The following RNF24 variants were observed in gnomAD, a reference collection of about 807,000 sequenced individuals.
The protein encoded by RNF24 is ring finger protein 24.
RNF24 carries 14 observed loss-of-function variants against 20.0 expected under a neutral mutation model. The observed-to-expected ratio is 0.70, with a 90% CI of 0.46 to 1.10. RNF24 has a LOEUF of 1.10. Ranked by LOEUF, RNF24 falls within the 50% of genes least tolerant of loss-of-function variation. The pLI is 0.00. For missense variants in RNF24, 124 were observed against 177.6 expected (o/e 0.70, Z 1.71); for synonymous variants, 45 against 61.1 (o/e 0.74, Z 1.23).
chr20:3,997,089 G>C (rs982042224), intron 1 of RNF24, among the ~76,000 whole-genome samples: 21 of 151,732 alleles, frequency 1.4e-4, no homozygotes, highest in African/African-American at 5.1e-4. Flanking sequence ...AGCCAGGCGT[G>C]GTGGTGGGTG....
At chr20:3,965,078 T>C (rs2091244274) in intron 1 of RNF24, among the ~76,000 whole-genome samples, 1 of 152,192 alleles carries the variant, frequency 6.6e-6, no homozygotes, top group Non-Finnish European at 1.5e-5. Flanking sequence ...ATTCCACAGA[T>C]AAAGGATGCC....
intron 2 of RNF24, among the ~76,000 whole-genome samples, chr20:3,954,317 T>A (rs932008727): frequency 6.6e-6 from 1 of 152,204 alleles, no homozygotes; most frequent in Non-Finnish European, 1.5e-5. Flanking sequence ...TATGGATATA[T>A]CATATAAAAG....
chr20:3,984,658 A>C (rs1159655251), intron 1 of RNF24, among the ~76,000 whole-genome samples: 1 of 152,224 alleles, frequency 6.6e-6, no homozygotes, highest in Non-Finnish European at 1.5e-5. Flanking sequence ...TTATCTTCAA[A>C]AGGCAGACAG....
intron 1 of RNF24, among the ~76,000 whole-genome samples, chr20:3,966,821 C>T (rs1169461940): frequency 6.6e-6 from 1 of 152,166 alleles, no homozygotes; most frequent in South Asian, 2.1e-4. Flanking sequence ...AAGACTCAGA[C>T]ACACACAGCA....
chr20:3,960,049 G>A (rs535820988), intron 2 of RNF24, among the ~76,000 whole-genome samples: 1 of 152,278 alleles, frequency 6.6e-6, no homozygotes, highest in South Asian at 2.1e-4. Flanking sequence ...CCCTACCATA[G>A]TCAGCACATT....
intron 1 of RNF24, among the ~76,000 whole-genome samples, chr20:3,971,024 C>T (rs1978328577): frequency 1.3e-5 from 2 of 152,128 alleles, no homozygotes; most frequent in African/African-American, 2.4e-5. Context: ...AAATCTACAA[C>T]AAGACACATC....
rs1253515788 is a variant in RNF24 at position 3,951,952 on chromosome 20, A to T, written c.144-3673T>A. 5.9e-5 allele frequency among the ~76,000 whole-genome samples: 9 copies of T among 152,188 alleles called. 1 individual carries two copies. Among genetic ancestry groups the T allele is most frequent in the Admixed American group, 5.9e-4 (9 of 15,280 alleles). Reference sequence around the variant, plus strand: ...CTGGGGTTAGCCACTTCTTCCAAGGAACCCTAATTCCTTTTATTGGAGAAA... The same window carrying T: ...CTGGGGTTAGCCACTTCTTCCAAGGTACCCTAATTCCTTTTATTGGAGAAA... On this transcript the variant is annotated intron_variant, in intron 2 of 5. Transcript: ENST00000358395.
intron 2 of RNF24, among the ~76,000 whole-genome samples, chr20:3,952,337 A>G (rs1239150500): frequency 6.6e-6 from 1 of 152,106 alleles, no homozygotes; most frequent in Non-Finnish European, 1.5e-5. Flanking sequence ...ATGCTACTGT[A>G]AATAGTGTTG....
rs963162610 is a variant in RNF24 at position 3,933,790 on chromosome 20, G to A, written c.*273C>T. The A allele has an allele frequency of 1.1e-5, 3 of 275,730 alleles. No homozygotes were observed. Among genetic ancestry groups the A allele is most frequent in the Admixed American group, 1.1e-4 (2 of 18,866 alleles). The allele number at this position is 275,730 out of a possible 1,614,324, so 17.1% of individuals were successfully genotyped here. On this transcript the variant is annotated 3_prime_UTR_variant, in exon 6 of 6. Coordinates refer to ENST00000358395, the MANE Select transcript of RNF24 (RefSeq NM_001134337.3). ...GAGGCTCCAGGAGAGAGAGTGTAATGGAGTTAGTAAGAGACCCTCATGAAG... is the reference window on the plus strand; with the variant it reads ...GAGGCTCCAGGAGAGAGAGTGTAATAGAGTTAGTAAGAGACCCTCATGAAG...
At chr20:3,958,941 C>T (rs1223152680) in intron 2 of RNF24, among the ~76,000 whole-genome samples, 1 of 152,182 alleles carries the variant, frequency 6.6e-6, no homozygotes, top group Non-Finnish European at 1.5e-5. Context: ...CATTCCCAGC[C>T]TCGATTTTCC....
intron 2 of RNF24, among the ~76,000 whole-genome samples, chr20:3,961,969 G>A (rs776689324): frequency 1.2e-4 from 18 of 152,084 alleles, no homozygotes; most frequent in Non-Finnish European, 2.1e-4. Context: ...TATTGGAATT[G>A]CAGTAATATT....
chr20:4,003,849 G>A (rs927130452), intron 1 of RNF24, among the ~76,000 whole-genome samples: 7 of 151,838 alleles, frequency 4.6e-5, no homozygotes, highest in African/African-American at 7.3e-5. Flanking sequence ...TCGCCATGTT[G>A]GACAGGCTGG....
At chr20:3,987,358 C>T (rs187224596) in intron 1 of RNF24, among the ~76,000 whole-genome samples, 2 of 152,154 alleles carry the variant, frequency 1.3e-5, no homozygotes, top group Admixed American at 1.3e-4. Flanking sequence ...AGGGGTAATA[C>T]CATAACTACT....
intron 1 of RNF24, among the ~76,000 whole-genome samples, chr20:3,989,249 T>C (rs993250948): frequency 6.6e-6 from 1 of 152,088 alleles, no homozygotes; most frequent in African/African-American, 2.4e-5. Flanking sequence ...CCCAGCACTT[T>C]AGGAGGCCGA....
intron 1 of RNF24, among the ~76,000 whole-genome samples, chr20:4,008,827 A>G (rs1418767015): frequency 2.6e-5 from 4 of 151,746 alleles, no homozygotes; most frequent in African/African-American, 7.3e-5. Context: ...TTACAGGCAT[A>G]AGCCACCATG....
At chr20:3,936,096 G>A (rs1415230030) in intron 4 of RNF24, among the ~76,000 whole-genome samples, 3 of 152,222 alleles carry the variant, frequency 2.0e-5, no homozygotes, top group Non-Finnish European at 4.4e-5. Flanking sequence ...GATCCAGGCA[G>A]GACATGTGGC....
intron 1 of RNF24, among the ~76,000 whole-genome samples, chr20:4,006,713 A>G (rs2042822612): frequency 6.6e-6 from 1 of 152,228 alleles, no homozygotes. Context: ...TTGCCACTGC[A>G]GGCTTTCTCC....
intron 1 of RNF24, among the ~76,000 whole-genome samples, chr20:3,998,779 A>AAAT (rs1555802088): frequency 0.017 from 2,093 of 125,114 alleles, 46 homozygotes; most frequent in African/African-American, 0.051. Flanking sequence ...AAATTAAAAA[A>AAAT]AATAAATAAT....
chr20:3,971,455 AT>A (rs1568639225), intron 1 of RNF24, among the ~76,000 whole-genome samples: 2 of 152,230 alleles, frequency 1.3e-5, no homozygotes, highest in Admixed American at 6.5e-5. Flanking sequence ...GTAAACAAAT[AT>A]AAGGGTAAAT....
Sources: gnomAD v4.1 joint callset for allele counts (sites outside exome capture counted in the v4.1 genomes callset) on GRCh38, gnomAD v4.1.1 for gene constraint, MANE v1.5 for transcripts, NCBI Gene and HGNC (gene_info 2026-07-23, HGNC 2026-07-21) for gene names.